KPNA1: variants seen among roughly 807,000 people sequenced by gnomAD.
KPNA1 encodes the protein importin subunit alpha-5.
Under a neutral mutation model 70.5 loss-of-function variants are expected in KPNA1, and 10 were observed. The ratio of observed to expected loss-of-function variants is 0.14; its 90% CI spans 0.09 to 0.24. The LOEUF is 0.24. KPNA1 is among the 10% of genes least tolerant of loss of function. KPNA1 has a pLI of 1.00. For missense variants in KPNA1, 397 were observed against 637.9 expected (o/e 0.62, Z 4.07); for synonymous variants, 192 against 221.9 (o/e 0.87, Z 1.20).
At chr3:122,498,318 A>G (rs1343682380) in intron 1 of KPNA1, among the ~76,000 whole-genome samples, 2 of 152,216 alleles carry the variant, frequency 1.3e-5, no homozygotes, top group Non-Finnish European at 2.9e-5. Context: ...GAGACCCCCC[A>G]AAGAGTTTGC....
intron 2 of KPNA1, among the ~76,000 whole-genome samples, chr3:122,485,642 A>T: frequency 6.6e-6 from 1 of 150,642 alleles, no homozygotes; most frequent in East Asian, 1.9e-4. Context: ...CTGGAAAGGA[A>T]TTTTTTTTTT....
intron 5 of KPNA1, chr3:122,457,580 G>T: frequency 5.1e-6 from 3 of 588,952 alleles, no homozygotes; most frequent in Non-Finnish European, 7.6e-6. Flanking sequence ...ATTTTTCACT[G>T]TCCTGAACTC....
intron 5 of KPNA1, among the ~76,000 whole-genome samples, chr3:122,455,332 C>T (rs2076252637): frequency 6.6e-6 from 1 of 152,134 alleles, no homozygotes; most frequent in South Asian, 2.1e-4. Flanking sequence ...GGTTTAGTAG[C>T]AGCAGGGAGG....
chr3:122,443,094 C>T (rs909579343), intron 9 of KPNA1: 3 of 152,300 alleles, frequency 2.0e-5, no homozygotes, highest in Non-Finnish European at 4.4e-5. Context: ...CAGTACACCC[C>T]GCCCAAACAC....
intron 2 of KPNA1, among the ~76,000 whole-genome samples, chr3:122,474,689 G>A (rs1208180184): frequency 1.3e-5 from 2 of 152,026 alleles, no homozygotes; most frequent in Non-Finnish European, 2.9e-5. Flanking sequence ...TTTACCTCAG[G>A]GATACAAGGA....
chr3:122,507,496 ATAT>A (rs1042402786), intron 1 of KPNA1, among the ~76,000 whole-genome samples: 2 of 151,970 alleles, frequency 1.3e-5, no homozygotes, highest in African/African-American at 4.8e-5. Context: ...GAATATGGAA[ATAT>A]TATTTTATCT....
In KPNA1 at chr3:122,427,130, T is replaced by G. The variant is rs765559962; in HGVS notation, c.1472A>C (p.Glu491Ala). ...AAGATCAAAGGCCTTTTGGTAGATC[T>G]CCTGGTTTTCATGACTCTGTAAGAA... ...IEFLQSHENQEIYQKAFDLIE... is the reference protein window; with the variant it reads ...IEFLQSHENQAIYQKAFDLIE... Residue 491 changes from glutamate to alanine, a missense_variant, in exon 14 of 14, where the codon GAG (glutamate) becomes GCG (alanine). Coordinates refer to ENST00000344337, the MANE Select transcript of KPNA1 (RefSeq NM_002264.4). 1.2e-6 allele frequency: 2 copies of G among 1,614,166 alleles called. No homozygotes were observed. Among genetic ancestry groups the G allele is most frequent in the Non-Finnish European group, 1.7e-6 (2 of 1,179,990 alleles).
chr3:122,444,291 C>A (rs1051162750), intron 9 of KPNA1, among the ~76,000 whole-genome samples: 1 of 152,196 alleles, frequency 6.6e-6, no homozygotes, highest in Non-Finnish European at 1.5e-5. Context: ...TTCAAACACA[C>A]CTTTCACAAA....
At chr3:122,459,342 C>G (rs1195344562) in intron 5 of KPNA1, 2 of 845,838 alleles carry the variant, frequency 2.4e-6, no homozygotes, top group Non-Finnish European at 2.8e-6. Context: ...TAAAAACCGC[C>G]AGATCAAGGA....
intron 1 of KPNA1, among the ~76,000 whole-genome samples, chr3:122,514,154 G>C (rs1406015259): frequency 6.6e-6 from 1 of 151,484 alleles, no homozygotes; most frequent in African/African-American, 2.4e-5. Context: ...CCACACCCCC[G>C]ATCAGCCGCT....
intron 2 of KPNA1, among the ~76,000 whole-genome samples, chr3:122,477,839 T>G (rs1383576796): frequency 1.4e-5 from 2 of 147,912 alleles, no homozygotes; most frequent in Non-Finnish European, 3.0e-5. Flanking sequence ...AAATTTTATT[T>G]GCCATTTGAA....
Position 122,513,765 on chromosome 3 carries a change from G to GA in KPNA1, c.-6+991dup, listed in dbSNP as rs201501544. ...TAATATTACTTGACAGTACGTTTCA[G>GA]AAAAAAAAATACTCTGCAGAGCTGG... On this transcript the variant is annotated intron_variant, in intron 1 of 13. Transcript: ENST00000344337. Among the ~76,000 whole-genome samples the GA allele has an allele frequency of 3.0e-3, 447 of 151,170 alleles. 4 individuals carry two copies. The highest frequency in any genetic ancestry group is 9.7e-3 in the African/African-American group (400 of 41,234).
At chr3:122,433,962 A>T (rs980995210) in intron 11 of KPNA1, among the ~76,000 whole-genome samples, 174 bp from the exon 12 acceptor site, 2 of 151,978 alleles carry the variant, frequency 1.3e-5, no homozygotes, top group African/African-American at 4.8e-5. Flanking sequence ...TTTGAGATGG[A>T]GTCTCACTCT....
At chr3:122,458,909 T>C (rs1026856054) in intron 5 of KPNA1, among the ~76,000 whole-genome samples, 1 of 152,176 alleles carries the variant, frequency 6.6e-6, no homozygotes, top group African/African-American at 2.4e-5. Context: ...ATAAAAAAGC[T>C]AGAGATGGCC....
chr3:122,470,565 A>T (rs1252768328), intron 2 of KPNA1, among the ~76,000 whole-genome samples: 1 of 151,876 alleles, frequency 6.6e-6, no homozygotes, highest in African/African-American at 2.4e-5. Context: ...TTTTTAAAAA[A>T]AGTTAAATGA....
intron 2 of KPNA1, among the ~76,000 whole-genome samples, chr3:122,468,098 A>G (rs1310836085): frequency 6.6e-6 from 1 of 152,224 alleles, no homozygotes; most frequent in Admixed American, 6.5e-5. Context: ...AACAACTAAA[A>G]ACAGACAAAA....
intron 2 of KPNA1, among the ~76,000 whole-genome samples, chr3:122,495,704 A>G (rs1207462186): frequency 7.3e-6 from 1 of 137,254 alleles, no homozygotes; most frequent in East Asian, 2.4e-4. Flanking sequence ...ATGGTCCTTC[A>G]GGCTCCAAAG....
chr3:122,428,141 T>G (rs371817142), intron 12 of KPNA1, among the ~76,000 whole-genome samples: 85 of 152,338 alleles, frequency 5.6e-4, no homozygotes, highest in African/African-American at 2.0e-3. Flanking sequence ...ATTAGAATTT[T>G]AGTAAAGTAA....
At chr3:122,438,790 A>G (rs1039030549) in intron 10 of KPNA1, among the ~76,000 whole-genome samples, 2 of 152,258 alleles carry the variant, frequency 1.3e-5, no homozygotes, top group Non-Finnish European at 2.9e-5. Flanking sequence ...GAAATCATAA[A>G]GCAGAATATT....
Sources: gnomAD v4.1 joint callset for allele counts (sites outside exome capture counted in the v4.1 genomes callset) on GRCh38, gnomAD v4.1.1 for gene constraint, MANE v1.5 for transcripts, NCBI Gene and HGNC (gene_info 2026-07-23, HGNC 2026-07-21) for gene names.